The following VPS13B variants were observed in gnomAD, a reference collection of about 807,000 sequenced individuals.
VPS13B encodes the protein vacuolar protein sorting 13 homolog B.
Under a neutral mutation model 426.4 loss-of-function variants are expected in VPS13B, and 285 were observed. That is an observed-to-expected ratio of 0.67 (90% CI 0.61 to 0.74). The LOEUF (loss-of-function observed/expected upper bound fraction) is 0.74. Ranked by LOEUF, VPS13B falls within the 30% of genes least tolerant of loss-of-function variation. The pLI is 0.00. For synonymous variants in VPS13B, 1,676 were observed against 1,676.4 expected (o/e 1.00, Z 0.01); for missense variants, 4,537 against 4,782.6 (o/e 0.95, Z 1.51).
chr8:99,127,273 C>T (rs1276954499), intron 8 of VPS13B, among the ~76,000 whole-genome samples: 3 of 152,074 alleles, frequency 2.0e-5, no homozygotes, highest in Non-Finnish European at 4.4e-5. Context: ...TGATATAACT[C>T]CATCATGATA....
At chr8:99,413,025 TTTG>T (rs1815777609) in intron 21 of VPS13B, among the ~76,000 whole-genome samples, 2 of 152,308 alleles carry the variant, frequency 1.3e-5, no homozygotes, top group African/African-American at 4.8e-5. Flanking sequence ...ATTTTCTTTT[TTTG>T]TTGTGTCTCT....
intron 15 of VPS13B, among the ~76,000 whole-genome samples, chr8:99,160,862 G>A (rs1223864045): frequency 1.3e-5 from 2 of 152,128 alleles, no homozygotes; most frequent in Non-Finnish European, 2.9e-5. Context: ...AATGTAAGAT[G>A]TTAACATTTG....
In VPS13B at chr8:99,313,219, G is replaced by A. The variant is rs572619364; in HGVS notation, c.2824+37965G>A. Among the ~76,000 whole-genome samples, 10 of 152,300 alleles carry A rather than the reference G, an allele frequency of 6.6e-5. No homozygotes were observed. In the East Asian group the frequency reaches 9.6e-4, roughly 15 times the overall value. ...TGTTCCATTGCTGGTGAGGAGCTGC[G>A]TTCCTTTGGAGGGGGAGAAGCGCTC... On this transcript the variant is annotated intron_variant, in intron 19 of 61. Transcript: ENST00000357162.
At chr8:99,696,540 G>T in intron 35 of VPS13B, 1 of 477,836 alleles carries the variant, frequency 2.1e-6, no homozygotes, top group Non-Finnish European at 3.9e-6. Flanking sequence ...CCTGCCGCCC[G>T]TGACCATGAA....
chr8:99,310,492 T>G (rs910768380), intron 19 of VPS13B, among the ~76,000 whole-genome samples: 1 of 152,240 alleles, frequency 6.6e-6, no homozygotes, highest in African/African-American at 2.4e-5. Flanking sequence ...ATTATGTTTA[T>G]TGATTTGCGT....
At chr8:99,872,248 A>G (rs566387653) in intron 61 of VPS13B, among the ~76,000 whole-genome samples, 23 of 151,754 alleles carry the variant, frequency 1.5e-4, no homozygotes, top group Non-Finnish European at 3.1e-4. Context: ...AAGACTCTCC[A>G]CTCCCTCCCC....
chr8:99,286,299 G>C (rs1692809408), intron 19 of VPS13B, among the ~76,000 whole-genome samples: 1 of 152,166 alleles, frequency 6.6e-6, no homozygotes, highest in African/African-American at 2.4e-5. Flanking sequence ...GAAAAATGTA[G>C]TCTGGCTTCG....
chr8:99,235,408 G>A (rs1361090192), intron 17 of VPS13B, among the ~76,000 whole-genome samples: 3 of 152,056 alleles, frequency 2.0e-5, no homozygotes, highest in Admixed American at 6.5e-5. Context: ...GGCTTTTGCC[G>A]CAGCTTAGTA....
chr8:99,750,863 G>T (rs934533921), intron 39 of VPS13B, among the ~76,000 whole-genome samples: 1 of 152,136 alleles, frequency 6.6e-6, no homozygotes, highest in African/African-American at 2.4e-5. Context: ...TTTTTTGTCA[G>T]AGGTGTAGTG....
intron 39 of VPS13B, among the ~76,000 whole-genome samples, chr8:99,766,194 C>T (rs1375784287): frequency 6.6e-6 from 1 of 151,268 alleles, no homozygotes; most frequent in Non-Finnish European, 1.5e-5. Context: ...GTTCCCCTGC[C>T]TCAGCCTCCC....
chr8:99,557,904 A>C (rs1190208111), intron 31 of VPS13B, among the ~76,000 whole-genome samples: 1 of 152,164 alleles, frequency 6.6e-6, no homozygotes, highest in African/African-American at 2.4e-5. Context: ...TTATGATTTT[A>C]AGAAAGTATT....
In VPS13B at chr8:99,561,752, G is replaced by A. The variant is rs1008906119; in HGVS notation, c.4949+5099G>A. On this transcript the variant is annotated intron_variant, in intron 31 of 61. Coordinates refer to ENST00000357162, the MANE Select transcript of VPS13B (RefSeq NM_152564.5). The stretch of plus-strand genomic sequence containing the variant: ...ACTTATGATGCATTCAACTTACAAT[G>A]AGTTTGTCAGGATGGAACCCCATTA... 2.6e-5 allele frequency among the ~76,000 whole-genome samples: 4 copies of A among 152,282 alleles called. No individual in the cohort carries two copies. In the South Asian group the frequency reaches 8.3e-4, roughly 32 times the overall value.
At chr8:99,180,465 A>G (rs1168872309) in intron 16 of VPS13B, among the ~76,000 whole-genome samples, 1 of 152,192 alleles carries the variant, frequency 6.6e-6, no homozygotes, top group Non-Finnish European at 1.5e-5. Context: ...CCAACACTGC[A>G]TTAAGACAAA....
chr8:99,355,906 A>G (rs1029592944), intron 19 of VPS13B, among the ~76,000 whole-genome samples: 2 of 152,058 alleles, frequency 1.3e-5, no homozygotes, highest in African/African-American at 4.8e-5. Flanking sequence ...TTATTTCTCT[A>G]TTAACTACTA....
intron 23 of VPS13B, among the ~76,000 whole-genome samples, chr8:99,446,385 T>G (rs1242179835): frequency 1.3e-5 from 2 of 152,146 alleles, no homozygotes; most frequent in Non-Finnish European, 2.9e-5. Context: ...TGGAAGTCGT[T>G]TGTCCTTTTC....
At chr8:99,504,604 G>A (rs1436925078) in intron 27 of VPS13B, among the ~76,000 whole-genome samples, 2 of 151,928 alleles carry the variant, frequency 1.3e-5, no homozygotes, top group Non-Finnish European at 2.9e-5. Flanking sequence ...ACAAGCAGTC[G>A]TTCTCAACAA....
At chr8:99,385,550 C>A (rs963727826) in intron 20 of VPS13B, among the ~76,000 whole-genome samples, 2 of 152,110 alleles carry the variant, frequency 1.3e-5, no homozygotes, top group Non-Finnish European at 2.9e-5. Flanking sequence ...TGAGTAGTTA[C>A]AGAATATAAG....
At chr8:99,019,482 G>T (rs1841784008) in intron 2 of VPS13B, among the ~76,000 whole-genome samples, 1 of 152,128 alleles carries the variant, frequency 6.6e-6, no homozygotes, top group African/African-American at 2.4e-5. Flanking sequence ...TTACAAGCAT[G>T]AGCCATCGTG....
intron 16 of VPS13B, among the ~76,000 whole-genome samples, chr8:99,173,546 A>G (rs1320983242): frequency 6.6e-6 from 1 of 152,186 alleles, no homozygotes; most frequent in Admixed American, 6.5e-5. Context: ...ATGAACCTGG[A>G]GATAGATCTT....
Sources: gnomAD v4.1 joint callset for allele counts (sites outside exome capture counted in the v4.1 genomes callset) on GRCh38, gnomAD v4.1.1 for gene constraint, MANE v1.5 for transcripts, NCBI Gene and HGNC (gene_info 2026-07-23, HGNC 2026-07-21) for gene names.